ZNF626: variants seen among roughly 807,000 people sequenced by gnomAD.
ZNF626 encodes zinc finger protein 626.
ZNF626 carries 4 observed loss-of-function variants against 11.7 expected under a neutral mutation model. That is an observed-to-expected ratio of 0.34 (90% CI 0.17 to 0.78). The LOEUF (loss-of-function observed/expected upper bound fraction) is 0.78. Ranked by LOEUF, ZNF626 falls within the 30% of genes least tolerant of loss-of-function variation. The pLI is 0.57. For synonymous variants in ZNF626, 179 were observed against 198.6 expected, an observed-to-expected ratio of 0.90 and a Z score of 0.83; for missense variants, 588 against 587.1, an observed-to-expected ratio of 1.00 and a Z score of -0.01.
Position 20,624,329 on chromosome 19 carries a change from CTTTG to C in ZNF626, c.1544_1547del (p.Ala515GlyfsTer12). ...GTAAGGTGTGAGGACCGCTTGAAGG[CTTTG>C]CCACATTCTTCACATTTGTAGAATT... On this transcript the variant is annotated frameshift_variant, in exon 4 of 4. Transcript: ENST00000601440. LOFTEE classifies it low-confidence loss of function (END_TRUNC). 1 of 1,472,694 alleles carries C rather than the reference CTTTG, an allele frequency of 6.8e-7. No individual in the cohort carries two copies. The allele number at this position is 1,472,694 out of a possible 1,614,324, so 91.2% of individuals were successfully genotyped here.
rs1323826415 is a variant in ZNF626, at chr19:20,661,526, C to A, written c.-80G>T. 13 of 1,452,188 alleles carry A rather than the reference C, an allele frequency of 9.0e-6. No homozygotes were observed. The South Asian group carries it at 1.4e-4, about 16-fold the overall frequency. The allele number at this position is 1,452,188 out of a possible 1,614,324, so 90.0% of individuals were successfully genotyped here. ...GGACACGGGGCCACACAGCCTGGGC[C>A]TTTAGGAGAAGAACCAGACCTGGAG... On this transcript the variant is annotated 5_prime_UTR_variant, in exon 1 of 4. It adds an upstream start codon to the 5' untranslated region. Transcript: ENST00000601440.
In ZNF626 at chr19:20,621,830, G is replaced by A. The variant is rs553091597; in HGVS notation, c.*2460C>T. ...ACACCATTTGAGTAAGGCCGGATAGGTTAAAGTTAGTGGCATAATAATGCT... is the reference window on the plus strand; with the variant it reads ...ACACCATTTGAGTAAGGCCGGATAGATTAAAGTTAGTGGCATAATAATGCT... On this transcript the variant is annotated 3_prime_UTR_variant, in exon 4 of 4. Coordinates refer to ENST00000601440, the MANE Select transcript of ZNF626 (RefSeq NM_001076675.3). 2.6e-5 allele frequency: 4 copies of A among 152,250 alleles called. No homozygotes were observed. Among genetic ancestry groups the A allele is most frequent in the African/African-American group, 9.6e-5 (4 of 41,550 alleles). 9.4% of individuals were successfully genotyped at this position (152,250 alleles called of 1,614,324 possible).
intron 3 of ZNF626, among the ~76,000 whole-genome samples, chr19:20,633,412 T>A (rs1284211415): frequency 6.6e-6 from 1 of 152,234 alleles, no homozygotes; most frequent in Non-Finnish European, 1.5e-5. Context: ...GCAGGCCTCC[T>A]TGAGCTGTGG....
intron 3 of ZNF626, among the ~76,000 whole-genome samples, chr19:20,632,387 C>A (rs573409179): frequency 2.0e-5 from 3 of 152,286 alleles, no homozygotes; most frequent in African/African-American, 7.2e-5. Flanking sequence ...GAATGCTTTC[C>A]AACTTGGTTC....
chr19:20,638,597 T>C (rs1306423026), intron 3 of ZNF626, among the ~76,000 whole-genome samples: 1 of 151,796 alleles, frequency 6.6e-6, no homozygotes, highest in African/African-American at 2.4e-5. Flanking sequence ...TCCATGAAAA[T>C]AGTAACCACA....
At chr19:20,645,400 A>G (rs1555771803) in intron 3 of ZNF626, 1 of 1,610,854 alleles carries the variant, frequency 6.2e-7, no homozygotes, top group Non-Finnish European at 8.5e-7. Flanking sequence ...AGTCTCTTAT[A>G]TGTCATGAAG....
intron 1 of ZNF626, among the ~76,000 whole-genome samples, chr19:20,660,976 CA>C (rs1310090835): frequency 1.3e-5 from 2 of 152,218 alleles, no homozygotes; most frequent in African/African-American, 4.8e-5. Flanking sequence ...CTCTTTACCT[CA>C]AGTGATCCGC....
intron 1 of ZNF626, among the ~76,000 whole-genome samples, chr19:20,650,246 TA>T (rs74172355): frequency 4.3e-4 from 63 of 144,840 alleles, no homozygotes; most frequent in African/African-American, 9.3e-4. Flanking sequence ...TCAAATTTGT[TA>T]AAAAAAAAAA....
At position 20,625,233 on chromosome 19, in the gene ZNF626, CT is replaced by C; in HGVS notation, c.643del (p.Ser215AlafsTer63). The C allele has an allele frequency of 6.2e-7, 1 of 1,608,060 alleles. No homozygotes were observed. Among genetic ancestry groups the C allele is most frequent in the Non-Finnish European group, 8.5e-7 (1 of 1,178,278 alleles). On this transcript the variant is annotated frameshift_variant, in exon 4 of 4. Transcript: ENST00000601440. LOFTEE classifies it low-confidence loss of function (END_TRUNC). ...ATGAATTTTCTTATGTCTAGTAAGGCTACAAGAGTGGTTAAAGGCTTTGCCA... is the reference window on the plus strand; with the variant it reads ...ATGAATTTTCTTATGTCTAGTAAGGCACAAGAGTGGTTAAAGGCTTTGCCA... ...ECGKAFNHSC[S>X]LTRHKKIHTG...
At chr19:20,626,715 T>C (rs1969838168) in intron 3 of ZNF626, among the ~76,000 whole-genome samples, 1 of 151,912 alleles carries the variant, frequency 6.6e-6, no homozygotes, top group African/African-American at 2.4e-5. Context: ...AGAGCAAGAC[T>C]GTCTCAAAAA....
At position 20,621,789 on chromosome 19, in the gene ZNF626, C is replaced by A. The variant is rs1969761076; in HGVS notation, c.*2501G>T. On this transcript the variant is annotated 3_prime_UTR_variant, in exon 4 of 4. Coordinates refer to ENST00000601440, the MANE Select transcript of ZNF626 (RefSeq NM_001076675.3). ...CCACTACATACCAAATAGTATACTTCTTCCATCTTTTGCTTACACCATTTG... is the reference window on the plus strand; with the variant it reads ...CCACTACATACCAAATAGTATACTTATTCCATCTTTTGCTTACACCATTTG... 1 of 152,204 alleles carries A rather than the reference C, an allele frequency of 6.6e-6. No homozygotes were observed. The highest frequency in any genetic ancestry group is 1.5e-5 in the Non-Finnish European group (1 of 68,040). 9.4% of individuals were successfully genotyped at this position (152,204 alleles called of 1,614,324 possible).
At chr19:20,632,667 G>C (rs11880180) in intron 3 of ZNF626, among the ~76,000 whole-genome samples, 1 of 152,026 alleles carries the variant, frequency 6.6e-6, no homozygotes, top group African/African-American at 2.4e-5. Flanking sequence ...CTCTGCATTG[G>C]TTATTCTAGT....
intron 1 of ZNF626, among the ~76,000 whole-genome samples, chr19:20,648,563 G>C (rs1258428789): frequency 1.3e-5 from 2 of 151,388 alleles, no homozygotes; most frequent in African/African-American, 4.9e-5. Context: ...TTTTAGTAGA[G>C]ACAGAGTTTC....
intron 3 of ZNF626, among the ~76,000 whole-genome samples, chr19:20,627,457 T>C (rs1555769897): frequency 6.6e-6 from 1 of 151,326 alleles, no homozygotes; most frequent in Non-Finnish European, 1.5e-5. Context: ...CAAAAGAAAA[T>C]TTAAAAAATC....
intron 3 of ZNF626, among the ~76,000 whole-genome samples, chr19:20,633,043 A>G (rs1969924944): frequency 6.6e-6 from 1 of 152,164 alleles, no homozygotes; most frequent in African/African-American, 2.4e-5. Context: ...AGTTTGCTGG[A>G]GGTCCACTCC....
At chr19:20,641,895 G>T in intron 3 of ZNF626, among the ~76,000 whole-genome samples, 1 of 147,030 alleles carries the variant, frequency 6.8e-6, no homozygotes, top group African/African-American at 2.6e-5. Context: ...GATGGTAAAT[G>T]TTATGTTACG....
intron 3 of ZNF626, among the ~76,000 whole-genome samples, chr19:20,638,524 A>G (rs1182426936): frequency 2.0e-5 from 3 of 151,940 alleles, no homozygotes; most frequent in Non-Finnish European, 2.9e-5. Flanking sequence ...TATGCTGCCT[A>G]TAAGAGACTC....
At chr19:20,645,403 T>A (rs1226716888) in intron 3 of ZNF626, 3 of 1,611,146 alleles carry the variant, frequency 1.9e-6, no homozygotes, top group Non-Finnish European at 2.5e-6. Flanking sequence ...CTCTTATATG[T>A]CATGAAGAGG....
intron 3 of ZNF626, among the ~76,000 whole-genome samples, chr19:20,638,981 T>C (rs8100596): frequency 0.45 from 68,278 of 152,006 alleles, 16,603 homozygotes; most frequent in African/African-American, 0.64. Flanking sequence ...AAGGGGTATA[T>C]TTGGCTCACA....
Sources: allele counts gnomAD v4.1 joint callset (sites outside exome capture counted in the v4.1 genomes callset), GRCh38; gene constraint gnomAD v4.1.1; transcripts MANE v1.5; gene names NCBI Gene and HGNC (gene_info 2026-07-23, HGNC 2026-07-21).